The following PLCE1 variants were observed in gnomAD, a reference collection of about 807,000 sequenced individuals.
PLCE1 encodes phospholipase C epsilon 1, also known as 1-phosphatidylinositol 4,5-bisphosphate phosphodiesterase epsilon-1.
PLCE1 carries 119 observed loss-of-function variants against 242.8 expected under a neutral mutation model. That is an observed-to-expected ratio of 0.49 (90% CI 0.42 to 0.57). The LOEUF is 0.57. Ranked by LOEUF, PLCE1 falls within the 20% of genes least tolerant of loss-of-function variation. PLCE1 has a pLI of 0.00. For synonymous variants in PLCE1, 945 were observed against 1,017.4 expected, an observed-to-expected ratio of 0.93 and a Z score of 1.35; for missense variants, 2,441 against 2,788.8, an observed-to-expected ratio of 0.88 and a Z score of 2.81.
rs1049559770 is a variant in PLCE1 at position 94,328,238 on chromosome 10, T to TA, written c.*298dup. 7.4e-6 allele frequency: 2 copies of TA among 271,994 alleles called. No homozygotes were observed. Among genetic ancestry groups the TA allele is most frequent in the African/African-American group, 4.4e-5 (2 of 45,552 alleles). 16.8% of individuals were successfully genotyped at this position (271,994 alleles called of 1,614,324 possible). On this transcript the variant is annotated 3_prime_UTR_variant, in exon 33 of 33. Coordinates refer to ENST00000371380, the MANE Select transcript of PLCE1 (RefSeq NM_016341.4). ...GAGCAAGGGTCAGCAAGCTTGTCTG[T>TA]AAAGGGCCAAACAGTAAATATTTTA...
At chr10:94,019,290 C>A (rs2061333459) in intron 1 of PLCE1, among the ~76,000 whole-genome samples, 2 of 152,150 alleles carry the variant, frequency 1.3e-5, no homozygotes, top group Admixed American at 1.3e-4. Context: ...CAGAGGTGCC[C>A]AGCTAAAGGA....
At chr10:94,110,657 TAC>T (rs1322960669) in intron 2 of PLCE1, among the ~76,000 whole-genome samples, 1 of 152,260 alleles carries the variant, frequency 6.6e-6, no homozygotes, top group African/African-American at 2.4e-5. Context: ...TATGGAAAAC[TAC>T]ACAGTGGTAG....
intron 2 of PLCE1, among the ~76,000 whole-genome samples, chr10:94,034,392 A>G (rs2061624954): frequency 6.6e-6 from 1 of 152,162 alleles, no homozygotes; most frequent in Non-Finnish European, 1.5e-5. Context: ...CTACCTTAGG[A>G]TTTTGATATG....
chr10:94,099,787 G>A (rs1484693231), intron 2 of PLCE1: 1 of 152,202 alleles, frequency 6.6e-6, no homozygotes, highest in Non-Finnish European at 1.5e-5. Context: ...GTGAGAGAGG[G>A]GGCAGGGAGG....
chr10:94,300,422 T>C (rs1277485623), intron 24 of PLCE1, among the ~76,000 whole-genome samples: 1 of 152,248 alleles, frequency 6.6e-6, no homozygotes, highest in Non-Finnish European at 1.5e-5. Flanking sequence ...GCTGTGTGGT[T>C]CATCCTCAAG....
chr10:94,199,338 C>G (rs2048921365), intron 4 of PLCE1, among the ~76,000 whole-genome samples: 1 of 152,170 alleles, frequency 6.6e-6, no homozygotes, highest in Non-Finnish European at 1.5e-5. Flanking sequence ...CCAGTTGCTC[C>G]ATATCCACAC....
intron 4 of PLCE1, among the ~76,000 whole-genome samples, chr10:94,199,763 G>T (rs2797994): frequency 0.93 from 141,936 of 152,140 alleles, 66,611 homozygotes; most frequent in Non-Finnish European, 0.98. Flanking sequence ...TGACCCTGTG[G>T]GATGGAAGTC....
rs527549252 is a variant in PLCE1 at position 94,086,116 on chromosome 10, G to A, written c.1207-46058G>A. On this transcript the variant is annotated intron_variant, in intron 2 of 32. Transcript: ENST00000371380. ...CAGGCAGGCATGTGATTATTCTGCA[G>A]GCAGTGACTTCTGGTGTGGTTAAGT... Among the ~76,000 whole-genome samples, 7 of 152,264 alleles carry A rather than the reference G, an allele frequency of 4.6e-5. No individual in the cohort carries two copies. In the South Asian group the frequency reaches 1.5e-3, roughly 32 times the overall value.
intron 2 of PLCE1, among the ~76,000 whole-genome samples, chr10:94,044,129 G>A (rs1230225753): frequency 6.6e-6 from 1 of 152,200 alleles, no homozygotes; most frequent in Non-Finnish European, 1.5e-5. Context: ...TGAGAATCCA[G>A]TGACTGTTTT....
intron 1 of PLCE1, among the ~76,000 whole-genome samples, chr10:94,020,155 C>A (rs957806042): frequency 2.6e-5 from 4 of 152,090 alleles, no homozygotes; most frequent in Non-Finnish European, 5.9e-5. Context: ...ATGTTTTTAC[C>A]AACTTTGGTA....
chr10:94,283,758 G>A (rs774846709), intron 20 of PLCE1, 32 bp from the exon 21 acceptor site: 30 of 1,603,128 alleles, frequency 1.9e-5, no homozygotes, highest in East Asian at 1.1e-4. Flanking sequence ...CATTGGGTTC[G>A]TTTTCACTGA....
At chr10:94,108,068 T>A (rs2045821552) in intron 2 of PLCE1, among the ~76,000 whole-genome samples, 1 of 151,974 alleles carries the variant, frequency 6.6e-6, no homozygotes, top group Non-Finnish European at 1.5e-5. Context: ...CAAGCTAGAG[T>A]CTGACAGCCT....
chr10:94,170,797 T>C (rs1246699655), intron 3 of PLCE1, among the ~76,000 whole-genome samples: 2 of 152,164 alleles, frequency 1.3e-5, no homozygotes, highest in African/African-American at 4.8e-5. Flanking sequence ...TCCATTTAAG[T>C]TGGCTATGCT....
At chr10:94,262,189 C>G (rs1273176322) in intron 13 of PLCE1, among the ~76,000 whole-genome samples, 1 of 151,796 alleles carries the variant, frequency 6.6e-6, no homozygotes, top group African/African-American at 2.4e-5. Context: ...CTAGTAGAGA[C>G]GGGGATTCAC....
intron 2 of PLCE1, among the ~76,000 whole-genome samples, chr10:94,125,410 T>G (rs1359100982): frequency 6.6e-6 from 1 of 152,098 alleles, no homozygotes; most frequent in African/African-American, 2.4e-5. Flanking sequence ...TTTTTTTTTT[T>G]GAGACAGAGT....
rs1222235141 is a variant in PLCE1, at chr10:94,016,013, A to T, written c.-364-14670A>T. 2.0e-5 allele frequency among the ~76,000 whole-genome samples: 3 copies of T among 152,302 alleles called. No individual in the cohort carries two copies. In the East Asian group the frequency reaches 5.8e-4, roughly 29 times the overall value. On this transcript the variant is annotated intron_variant, in intron 1 of 32. Coordinates refer to ENST00000371380, the MANE Select transcript of PLCE1 (RefSeq NM_016341.4). ...CCGTTGGTTGATCAGCTTTTGGAGGAAACATTGAGCAATCTGGAAGCCGCT... is the reference window on the plus strand; with the variant it reads ...CCGTTGGTTGATCAGCTTTTGGAGGTAACATTGAGCAATCTGGAAGCCGCT...
rs1248624002 is a variant in PLCE1 at position 94,235,939 on chromosome 10, G to A, written c.2239G>A (p.Asp747Asn). 6.2e-7 allele frequency: 1 copy of A among 1,613,906 alleles called. No homozygotes were observed. Among genetic ancestry groups the A allele is most frequent in the Non-Finnish European group, 8.5e-7 (1 of 1,179,868 alleles). Residue 747 changes from aspartate to asparagine, a missense_variant, in exon 7 of 33, where the codon GAT becomes AAT. Transcript: ENST00000371380. ...GTTTGTAGCAGATTACAGTGGACAA[G>A]ATAATTTCTTACAACGAGTGGGACA... is the stretch of plus-strand genomic sequence containing the variant. ...LEFVADYSGQ[D>N]NFLQRVGQNG...
chr10:94,130,588 C>T (rs2046570671), intron 2 of PLCE1, among the ~76,000 whole-genome samples: 1 of 152,178 alleles, frequency 6.6e-6, no homozygotes, highest in South Asian at 2.1e-4. Flanking sequence ...TGTACCTGAC[C>T]TCATGTACCT....
At chr10:94,268,876 AG>A in intron 16 of PLCE1, 52 bp from the exon 17 acceptor site, 3 of 999,692 alleles carry the variant, frequency 3.0e-6, no homozygotes, top group African/African-American at 1.6e-5. Context: ...GTTTAGTTCG[AG>A]GCTTTATCTC....
Sources: allele counts gnomAD v4.1 joint callset (sites outside exome capture counted in the v4.1 genomes callset), GRCh38; gene constraint gnomAD v4.1.1; transcripts MANE v1.5; gene names NCBI Gene and HGNC (gene_info 2026-07-23, HGNC 2026-07-21).